Variants in RARB observed in about 807,000 individuals in gnomAD.
RARB encodes the protein HBV-activated protein.
In RARB, 17 loss-of-function variants were observed where a neutral mutation model predicts 51.9. The observed-to-expected ratio is 0.33, with a 90% CI of 0.22 to 0.49. The LOEUF (loss-of-function observed/expected upper bound fraction) is 0.49, where lower values mean the gene tolerates loss of function less well. RARB is among the 20% of genes least tolerant of loss of function. The pLI, the probability that RARB is intolerant of heterozygous loss-of-function variation, is 0.99. For synonymous variants in RARB, 215 were observed against 195.4 expected (o/e 1.10, Z -0.84); for missense variants, 369 against 550.8 (o/e 0.67, Z 3.30).
chr3:25,406,876 C>A (rs115795344), intron 5 of RARB, among the ~76,000 whole-genome samples: 1 of 152,160 alleles, frequency 6.6e-6, no homozygotes, highest in Non-Finnish European at 1.5e-5. Flanking sequence ...TTGAGCTCAT[C>A]ATTCATACCA....
Position 25,150,336 on chromosome 3 carries a change from T to C in RARB, c.-280+18128T>C, listed in dbSNP as rs568141928. Among the ~76,000 whole-genome samples the C allele has an allele frequency of 1.6e-3, 245 of 152,252 alleles. 1 individual carries two copies. The highest frequency in any genetic ancestry group is 5.8e-3 in the African/African-American group (239 of 41,544). On this transcript the variant is annotated intron_variant, in intron 4 of 11. Coordinates refer to the RARB transcript ENST00000383772. ...AGCTGGTTTCAGGAAGGGACAGGAT[T>C]CCCAAGGGAGAATAAGCCCAGCACT...
chr3:25,234,095 C>A (rs1324637337), intron 5 of RARB, among the ~76,000 whole-genome samples: 2 of 152,120 alleles, frequency 1.3e-5, no homozygotes, highest in East Asian at 1.9e-4. Flanking sequence ...AGAAATATTA[C>A]TTTCTCCTTA....
At chr3:25,180,093 G>A (rs960175448) in intron 5 of RARB, among the ~76,000 whole-genome samples, 3 of 152,108 alleles carry the variant, frequency 2.0e-5, no homozygotes, top group Non-Finnish European at 4.4e-5. Context: ...TCTCAATTGT[G>A]GAAGTATGTC....
intron 2 of RARB, among the ~76,000 whole-genome samples, chr3:25,013,833 C>T (rs945238497): frequency 6.6e-6 from 1 of 152,058 alleles, no homozygotes; most frequent in African/African-American, 2.4e-5. Flanking sequence ...GTCTGTGTTA[C>T]TCAGGTTTGT....
intron 3 of RARB, among the ~76,000 whole-genome samples, chr3:25,061,698 T>C (rs1029982859): frequency 4.0e-5 from 6 of 151,836 alleles, no homozygotes; most frequent in African/African-American, 1.4e-4. Flanking sequence ...AATAATATGT[T>C]GATCCACTAA....
At chr3:25,376,962 C>G (rs999448615) in intron 5 of RARB, among the ~76,000 whole-genome samples, 2 of 152,180 alleles carry the variant, frequency 1.3e-5, no homozygotes, top group Non-Finnish European at 2.9e-5. Context: ...CTGGGTGGCT[C>G]ATTTCATAAT....
intron 4 of RARB, among the ~76,000 whole-genome samples, chr3:25,160,672 A>G (rs1000454152): frequency 1.3e-5 from 2 of 152,180 alleles, no homozygotes; most frequent in African/African-American, 4.8e-5. Context: ...ATAACAAATT[A>G]CTACAAGCTT....
chr3:25,416,068 T>C (rs1217021062), intron 5 of RARB, among the ~76,000 whole-genome samples: 1 of 152,052 alleles, frequency 6.6e-6, no homozygotes, highest in Non-Finnish European at 1.5e-5. Flanking sequence ...CAAAAAGAAC[T>C]GAAGAAAAAG....
chr3:25,493,306 C>T (rs977260063), intron 2 of RARB, among the ~76,000 whole-genome samples: 3 of 152,284 alleles, frequency 2.0e-5, no homozygotes, highest in East Asian at 1.9e-4. Context: ...ACTTCTCAGA[C>T]GTTGTCACGC....
chr3:25,593,761 T>C (rs1701707126), intron 6 of RARB, 54 bp downstream of exon 6: 7 of 1,532,782 alleles, frequency 4.6e-6, no homozygotes, highest in Non-Finnish European at 5.4e-6. Context: ...AGTTTATACT[T>C]GTAATTTGTG....
intron 2 of RARB, among the ~76,000 whole-genome samples, chr3:24,970,184 G>A (rs1696364964): frequency 6.6e-6 from 1 of 152,102 alleles, no homozygotes; most frequent in African/African-American, 2.4e-5. Flanking sequence ...CAGTGAGCCA[G>A]ATTTGGCCTA....
At chr3:24,861,639 A>C (rs1234040640) in intron 2 of RARB, among the ~76,000 whole-genome samples, 3 of 151,920 alleles carry the variant, frequency 2.0e-5, no homozygotes, top group East Asian at 3.9e-4. Flanking sequence ...AAAAAAGTTA[A>C]TGAGAAGCGT....
chr3:25,513,844 G>C (rs765186665), intron 3 of RARB, among the ~76,000 whole-genome samples: 5 of 152,034 alleles, frequency 3.3e-5, no homozygotes, highest in Non-Finnish European at 1.5e-5. Context: ...CCAGATATCT[G>C]GTTTCAACCC....
chr3:25,291,438 T>G (rs1441647720), intron 5 of RARB, among the ~76,000 whole-genome samples: 1 of 151,788 alleles, frequency 6.6e-6, no homozygotes, highest in African/African-American at 2.4e-5. Flanking sequence ...AGTCATAATT[T>G]AAGAGATATG....
intron 5 of RARB, among the ~76,000 whole-genome samples, chr3:25,334,164 C>T (rs185119114): frequency 2.6e-5 from 4 of 152,262 alleles, no homozygotes; most frequent in Admixed American, 2.6e-4. Flanking sequence ...TTGACCCAGT[C>T]ATCCTATTAC....
chr3:25,013,396 C>T (rs1253960099), intron 2 of RARB, among the ~76,000 whole-genome samples: 1 of 152,086 alleles, frequency 6.6e-6, no homozygotes, highest in Non-Finnish European at 1.5e-5. Context: ...TACTTGGTTT[C>T]ACTGAATTCA....
At chr3:25,451,808 G>C (rs1010152561) in intron 1 of RARB, among the ~76,000 whole-genome samples, 1 of 152,212 alleles carries the variant, frequency 6.6e-6, no homozygotes, top group African/African-American at 2.4e-5. Context: ...GAATGTGAAT[G>C]TGTGTATCTG....
intron 2 of RARB, 66 bp from the exon 3 acceptor site, chr3:25,501,116 T>G (rs767795862): frequency 1.9e-5 from 29 of 1,513,982 alleles, no homozygotes; most frequent in Non-Finnish European, 2.5e-5. Context: ...TTGATAAGGT[T>G]GGCTTTGATT....
rs143629392 is a variant in RARB, at chr3:25,250,771, G to T, written c.178+76196G>T. Among the ~76,000 whole-genome samples, 354 of 152,268 alleles carry T rather than the reference G, an allele frequency of 2.3e-3. 1 individual carries two copies. The highest frequency in any genetic ancestry group is 8.4e-3 in the African/African-American group (347 of 41,546). ...TTGGCGGCTGTATGGAATCCAGTGT[G>T]AATTCCCTTCCTCAAGCAATGCTGT... On this transcript the variant is annotated intron_variant, in intron 5 of 11. Coordinates refer to the RARB transcript ENST00000383772.
Sources: allele counts gnomAD v4.1 joint callset (sites outside exome capture counted in the v4.1 genomes callset), GRCh38; gene constraint gnomAD v4.1.1; transcripts MANE v1.5; gene names NCBI Gene and HGNC (gene_info 2026-07-23, HGNC 2026-07-21).